The following STAG2 variants were observed in gnomAD, a reference collection of about 807,000 sequenced individuals.
STAG2 encodes the protein STAG2 cohesin complex component.
In STAG2, 14 loss-of-function variants were observed where a neutral mutation model predicts 108.1. The ratio of observed to expected loss-of-function variants is 0.13; its 90% CI spans 0.09 to 0.20. The LOEUF is 0.20. Ranked by LOEUF, STAG2 falls within the 10% of genes least tolerant of loss-of-function variation. The pLI, the probability that STAG2 is intolerant of heterozygous loss-of-function variation, is 1.00. For synonymous variants in STAG2, 307 were observed against 302.7 expected, an observed-to-expected ratio of 1.01 and a Z score of -0.15; for missense variants, 440 against 940.9, an observed-to-expected ratio of 0.47 and a Z score of 6.96.
At chrX:124,067,102 C>G (rs988568232) in intron 23 of STAG2, among the ~76,000 whole-genome samples, 2 of 111,502 alleles carry the variant, frequency 1.8e-5, no homozygotes, top group Admixed American at 9.6e-5. Flanking sequence ...TAGGCATTTT[C>G]TTCAAAAAGT....
chrX:123,987,941 A>G (rs2055276232), intron 1 of STAG2, among the ~76,000 whole-genome samples: 1 of 111,928 alleles, frequency 8.9e-6, no homozygotes, highest in Non-Finnish European at 1.9e-5. Context: ...GTTGTGTACA[A>G]TTGTATCCAT....
At chrX:124,090,819 G>C in intron 31 of STAG2, 35 bp from the exon 32 acceptor site, 1 of 1,202,969 alleles carries the variant, frequency 8.3e-7, no homozygotes, top group Non-Finnish European at 1.1e-6. Flanking sequence ...CATAGAAAAA[G>C]TTAAGTTAAA....
chrX:124,059,000 TATTGA>T (rs1185745846), intron 15 of STAG2, among the ~76,000 whole-genome samples: 1 of 111,734 alleles, frequency 8.9e-6, no homozygotes, highest in African/African-American at 3.3e-5. Flanking sequence ...TTTCTTGCCT[TATTGA>T]ATTGTCTAAG....
intron 1 of STAG2, among the ~76,000 whole-genome samples, chrX:124,012,234 A>G (rs1004317887): frequency 8.9e-6 from 1 of 112,423 alleles, no homozygotes; most frequent in Admixed American, 9.5e-5. Flanking sequence ...ATCAATATTC[A>G]TCAGGGATAT....
chrX:123,965,411 C>T lies in STAG2; in HGVS notation c.-163+3555C>T, dbSNP rs913985396. 8.1e-5 allele frequency among the ~76,000 whole-genome samples: 9 copies of T among 111,642 alleles called. No homozygotes were observed. In the East Asian group the frequency reaches 2.2e-3, roughly 28 times the overall value. ...TTTCATGAAATCAAATTCTACATTT[C>T]TTTTTCAACTGTATTGACTTCTGCG... On this transcript the variant is annotated intron_variant, in intron 1 of 34. Coordinates refer to ENST00000371145, the MANE Select transcript of STAG2 (RefSeq NM_001042750.2).
At chrX:123,964,137 G>T (rs755308364) in intron 1 of STAG2, among the ~76,000 whole-genome samples, 186 of 110,304 alleles carry the variant, frequency 1.7e-3, no homozygotes, top group Non-Finnish European at 2.6e-3. Flanking sequence ...AGAATTTCCA[G>T]ATTGTCTTAC....
At chrX:123,997,308 A>G (rs1359980436) in intron 1 of STAG2, among the ~76,000 whole-genome samples, 2 of 112,634 alleles carry the variant, frequency 1.8e-5, no homozygotes, top group African/African-American at 3.2e-5. Flanking sequence ...GGTAGCATAT[A>G]TATAACAAAA....
chrX:123,972,572 A>G (rs934527307), intron 1 of STAG2, among the ~76,000 whole-genome samples: 5 of 109,795 alleles, frequency 4.6e-5, no homozygotes, highest in South Asian at 3.9e-4. Flanking sequence ...CGCCCGGCCA[A>G]TTTTTAAGGT....
chrX:124,020,322 A>G (rs2056882645), intron 1 of STAG2, among the ~76,000 whole-genome samples: 1 of 112,143 alleles, frequency 8.9e-6, no homozygotes, highest in African/African-American at 3.2e-5. Context: ...TTTTGATGAA[A>G]TGCTCAGAGA....
At chrX:123,990,630 A>G (rs1173843256) in intron 1 of STAG2, among the ~76,000 whole-genome samples, 3 of 112,205 alleles carry the variant, frequency 2.7e-5, no homozygotes, top group Admixed American at 9.5e-5. Context: ...AGCTAATGAA[A>G]CAAAAATACT....
intron 1 of STAG2, among the ~76,000 whole-genome samples, chrX:123,991,513 T>C (rs1294384638): frequency 1.9e-5 from 2 of 103,317 alleles, no homozygotes; most frequent in African/African-American, 7.1e-5. Flanking sequence ...CCACCATGCC[T>C]GGCTAATTTT....
chrX:124,094,190 T>G, intron 33 of STAG2, 46 bp downstream of exon 33: 4 of 1,136,262 alleles, frequency 3.5e-6, no homozygotes, highest in Non-Finnish European at 4.8e-6. Flanking sequence ...TTAGATCTTT[T>G]GAAAATTATG....
chrX:123,986,082 CAT>C (rs1372358409), intron 1 of STAG2, among the ~76,000 whole-genome samples: 4 of 104,277 alleles, frequency 3.8e-5, no homozygotes, highest in African/African-American at 1.4e-4. Flanking sequence ...ATCATATATA[CAT>C]ATATGATATA....
intron 15 of STAG2, among the ~76,000 whole-genome samples, chrX:124,060,198 G>A (rs757836892): frequency 1.8e-5 from 2 of 110,358 alleles, no homozygotes; most frequent in East Asian, 5.7e-4. Context: ...GTGTGATCTC[G>A]GCTCACTGCC....
chrX:123,993,459 G>A (rs2147780672), intron 1 of STAG2, among the ~76,000 whole-genome samples: 1 of 110,595 alleles, frequency 9.0e-6, no homozygotes, highest in African/African-American at 3.3e-5. Context: ...AAGAAGAGTA[G>A]TGTGGCCACT....
rs1358476456 is a variant in STAG2 at position 124,059,587 on chromosome X, C to G, written c.1416+1610C>G. Among the ~76,000 whole-genome samples, 8 of 111,888 alleles carry G rather than the reference C, an allele frequency of 7.2e-5. No homozygotes were observed. The East Asian group carries it at 2.2e-3, about 31-fold the overall frequency. On this transcript the variant is annotated intron_variant, in intron 15 of 34. Coordinates refer to ENST00000371145, the MANE Select transcript of STAG2 (RefSeq NM_001042750.2). ...TTGAATGACTTTTTAAATGTTGAAT[C>G]AACCTACTTGTTCATGATGTTATTC...
intron 30 of STAG2, among the ~76,000 whole-genome samples, chrX:124,089,100 A>C (rs925405987): frequency 4.7e-5 from 5 of 106,864 alleles, no homozygotes; most frequent in African/African-American, 1.7e-4. Context: ...ATTTTTAGTA[A>C]AGATGGGATT....
intron 1 of STAG2, among the ~76,000 whole-genome samples, chrX:124,011,323 A>G (rs1209597752): frequency 1.8e-5 from 2 of 111,742 alleles, no homozygotes; most frequent in African/African-American, 6.5e-5. Context: ...GGGAACAGAG[A>G]TAATTTTACT....
chrX:124,064,965 G>A (rs2058482797), intron 20 of STAG2, among the ~76,000 whole-genome samples: 1 of 111,112 alleles, frequency 9.0e-6, no homozygotes, highest in Admixed American at 9.6e-5. Flanking sequence ...AATGCCATTA[G>A]CCTTTTCCAC....
Sources: allele counts gnomAD v4.1 joint callset (sites outside exome capture counted in the v4.1 genomes callset), GRCh38; gene constraint gnomAD v4.1.1; transcripts MANE v1.5; gene names NCBI Gene and HGNC (gene_info 2026-07-23, HGNC 2026-07-21).